Variants in MTREX observed in about 807,000 individuals in gnomAD.
MTREX encodes exosome RNA helicase MTR4.
In MTREX, 76 loss-of-function variants were observed where a neutral mutation model predicts 135.4. That is an observed-to-expected ratio of 0.56 (90% CI 0.47 to 0.68). MTREX has a LOEUF of 0.68. MTREX is among the 30% of genes least tolerant of loss of function. The pLI is 0.00. For synonymous variants in MTREX, 404 were observed against 401.6 expected (o/e 1.01, Z -0.07); for missense variants, 920 against 1,262.1 (o/e 0.73, Z 4.11).
intron 16 of MTREX, among the ~76,000 whole-genome samples, chr5:55,376,964 A>G (rs1179339430): frequency 6.6e-6 from 1 of 151,900 alleles, no homozygotes; most frequent in Non-Finnish European, 1.5e-5. Flanking sequence ...TCAGCTACTC[A>G]GGAGGCTGAG....
intron 5 of MTREX, among the ~76,000 whole-genome samples, chr5:55,335,199 T>C (rs908017845): frequency 6.6e-6 from 1 of 152,126 alleles, no homozygotes; most frequent in African/African-American, 2.4e-5. Context: ...TTGTAAGAAG[T>C]CTTTATTAGC....
At chr5:55,326,094 A>C (rs997723527) in intron 3 of MTREX, among the ~76,000 whole-genome samples, 4 of 152,108 alleles carry the variant, frequency 2.6e-5, no homozygotes, top group Non-Finnish European at 5.9e-5. Flanking sequence ...GGGCTTATAA[A>C]AGATGGAAAA....
rs1485090211 is a variant in MTREX at position 55,328,770 on chromosome 5, A to G, written c.474A>G (p.Leu158=). The change falls in exon 5 of 27, where the codon CTA becomes CTG. Residue 158 remains leucine, a synonymous_variant. Transcript: ENST00000230640. ...IQCVDNNQSV[L]VSAHTSAGKT... ...GTGTTGACAATAATCAGTCTGTTCT[A>G]GTATCTGCACATACCTCAGCGGGAA... The G allele has an allele frequency of 1.9e-6, 3 of 1,613,280 alleles. No individual in the cohort carries two copies. The highest frequency in any genetic ancestry group is 1.7e-5 in the Admixed American group (1 of 60,010).
At chr5:55,345,247 A>C (rs762155693) in intron 10 of MTREX, 51 bp downstream of exon 10, 8 of 1,153,110 alleles carry the variant, frequency 6.9e-6, no homozygotes, top group Non-Finnish European at 1.0e-5. Flanking sequence ...TTGTATATTC[A>C]GATTACTCTG....
chr5:55,313,853 A>G (rs1008098812), intron 1 of MTREX, among the ~76,000 whole-genome samples: 3 of 152,066 alleles, frequency 2.0e-5, no homozygotes, highest in Non-Finnish European at 4.4e-5. Context: ...AAAATATCAA[A>G]TTGTGCGTAC....
intron 23 of MTREX, among the ~76,000 whole-genome samples, chr5:55,412,301 A>G (rs1325530886): frequency 6.6e-6 from 1 of 152,208 alleles, no homozygotes; most frequent in Non-Finnish European, 1.5e-5. Flanking sequence ...AATAACTTCT[A>G]TTTTAAAATG....
At chr5:55,368,303 T>C (rs1750136810) in intron 16 of MTREX, among the ~76,000 whole-genome samples, 2 of 151,858 alleles carry the variant, frequency 1.3e-5, no homozygotes, top group South Asian at 4.2e-4. Flanking sequence ...ACAAAAAAAT[T>C]AGCCGGGCAT....
chr5:55,378,770 GTTCATATAACTA>G (rs1018501323), intron 17 of MTREX, among the ~76,000 whole-genome samples: 9 of 152,098 alleles, frequency 5.9e-5, no homozygotes, highest in Non-Finnish European at 8.8e-5. Context: ...AACTATAACT[GTTCATATAACTA>G]TTCATATAAC....
At chr5:55,353,585 C>G (rs535105265) in intron 14 of MTREX, among the ~76,000 whole-genome samples, 1 of 152,070 alleles carries the variant, frequency 6.6e-6, no homozygotes, top group Non-Finnish European at 1.5e-5. Flanking sequence ...CACCTGTAGT[C>G]GCAGCTACTT....
chr5:55,415,864 A>G, intron 24 of MTREX, 106 bp from the exon 25 acceptor site: 1 of 714,862 alleles, frequency 1.4e-6, no homozygotes, highest in Non-Finnish European at 2.2e-6. Context: ...CAGACATAAT[A>G]CCTAGGAAGA....
intron 15 of MTREX, among the ~76,000 whole-genome samples, chr5:55,362,613 G>T (rs12654654): frequency 1.3e-5 from 2 of 151,950 alleles, no homozygotes; most frequent in Non-Finnish European, 2.9e-5. Flanking sequence ...CACCCACCTT[G>T]GCCTCCCAAA....
intron 1 of MTREX, among the ~76,000 whole-genome samples, chr5:55,317,248 C>T (rs1004320293): frequency 7.2e-5 from 11 of 152,162 alleles, no homozygotes; most frequent in African/African-American, 2.4e-4. Context: ...CTATTCCTAT[C>T]AAACTACCAA....
rs1749855277 is a variant in MTREX at position 55,353,194 on chromosome 5, T to C, written c.1458T>C (p.Ala486=). The part of the protein sequence containing the change: ...IKALFATETF[A]MGINMPARTV... The stretch of plus-strand genomic sequence containing the variant: ...CCTTATTTGCCACGGAGACCTTTGC[T>C]ATGGGAATTAACATGCCAGCTAGAA... The change falls in exon 14 of 27, where the codon GCT becomes GCC. Residue 486 remains alanine, a synonymous_variant. Coordinates refer to ENST00000230640, the MANE Select transcript of MTREX (RefSeq NM_015360.5). The C allele has an allele frequency of 1.2e-6, 2 of 1,608,066 alleles. No individual in the cohort carries two copies. The highest frequency in any genetic ancestry group is 2.2e-5 in the South Asian group (2 of 89,988).
At chr5:55,377,809 C>T (rs186687548) in intron 16 of MTREX, among the ~76,000 whole-genome samples, 36 of 152,198 alleles carry the variant, frequency 2.4e-4, no homozygotes, top group African/African-American at 8.7e-4. Flanking sequence ...TCTCTCTGAC[C>T]TTCTGCTGCC....
intron 1 of MTREX, 127 bp from the exon 2 acceptor site, chr5:55,322,200 G>C: frequency 1.4e-6 from 1 of 696,540 alleles, no homozygotes; most frequent in South Asian, 4.4e-5. Flanking sequence ...TCAGCCAGTT[G>C]TTGTTTGTAA....
Position 55,343,522 on chromosome 5 carries a change from T to C in MTREX, c.906+67T>C, listed in dbSNP as rs1237149093. On this transcript the variant is annotated intron_variant, in intron 8 of 26. Transcript: ENST00000230640. Reference sequence around the variant, plus strand: ...GTTACAGATTAGTCTTGCTTTACTCTCCCTTTGCTTTTCTCCTGATGTTGT... The same window carrying C: ...GTTACAGATTAGTCTTGCTTTACTCCCCCTTTGCTTTTCTCCTGATGTTGT... 7 of 1,388,614 alleles carry C rather than the reference T, an allele frequency of 5.0e-6. No homozygotes were observed. In the African/African-American group the frequency reaches 1.0e-4, roughly 20 times the overall value. 86.0% of individuals were successfully genotyped at this position (1,388,614 alleles called of 1,614,324 possible). A position where few individuals can be genotyped will look rare whatever the true frequency, so the allele number is the denominator to read the frequency against.
chr5:55,309,070 T>G (rs1749051009), intron 1 of MTREX, among the ~76,000 whole-genome samples: 1 of 152,122 alleles, frequency 6.6e-6, no homozygotes, highest in Admixed American at 6.5e-5. Context: ...GAAAGGGAGA[T>G]CCTATTTCTG....
chr5:55,401,479 G>C (rs2111593481), intron 21 of MTREX, among the ~76,000 whole-genome samples: 1 of 152,320 alleles, frequency 6.6e-6, no homozygotes, highest in Admixed American at 6.5e-5. Flanking sequence ...TTTTTGTATG[G>C]ATGTTTTGAG....
chr5:55,360,369 C>T (rs1385075930), intron 15 of MTREX, among the ~76,000 whole-genome samples: 1 of 148,224 alleles, frequency 6.7e-6, no homozygotes, highest in Non-Finnish European at 1.5e-5. Context: ...TGGATTGTTT[C>T]CATGTTTTGG....
Sources: allele counts gnomAD v4.1 joint callset (sites outside exome capture counted in the v4.1 genomes callset), GRCh38; gene constraint gnomAD v4.1.1; transcripts MANE v1.5; gene names NCBI Gene and HGNC (gene_info 2026-07-23, HGNC 2026-07-21).